The following IGF2R variants were observed in gnomAD, a reference collection of about 807,000 sequenced individuals.
IGF2R encodes insulin like growth factor 2 receptor.
IGF2R carries 91 observed loss-of-function variants against 270.6 expected under a neutral mutation model. The ratio of observed to expected loss-of-function variants is 0.34; its 90% confidence interval spans 0.28 to 0.40. The LOEUF (loss-of-function observed/expected upper bound fraction) is 0.40, where lower values mean the gene tolerates loss of function less well. Among genes scored for constraint, IGF2R ranks in the 10% least tolerant of loss-of-function variants. The pLI is 1.00. For missense variants in IGF2R, 2,805 were observed against 3,188.3 expected, an observed-to-expected ratio of 0.88 and a Z score of 2.90; for synonymous variants, 1,316 against 1,258.9, an observed-to-expected ratio of 1.05 and a Z score of -0.96.
At position 159,969,262 on chromosome 6, in the gene IGF2R, G is replaced by A. The variant is rs1646986872; in HGVS notation, c.16G>A (p.Gly6Ser). 23 of 1,093,512 alleles carry A rather than the reference G, an allele frequency of 2.1e-5. No individual in the cohort carries two copies. In the South Asian group the frequency reaches 4.7e-4, roughly 22 times the overall value. The allele number at this position is 1,093,512 out of a possible 1,614,324, so 67.7% of individuals were successfully genotyped here. A position where few individuals can be genotyped will look rare whatever the true frequency, so the allele number is the denominator to read the frequency against. MGAAAGRSPHLGPAPA... is the reference protein window; with the variant it reads MGAAASRSPHLGPAPA... ...GCCCGGCGCGATGGGGGCCGCCGCC[G>A]GCCGGAGCCCCCACCTGGGGCCCGC... The change falls in exon 1 of 48, where the codon GGC becomes AGC. Residue 6 changes from glycine to serine, a missense_variant. Coordinates refer to ENST00000356956, the MANE Select transcript of IGF2R (RefSeq NM_000876.4).
At position 160,012,762 on chromosome 6, in the gene IGF2R, TA is replaced by T. The variant is rs1420334323; in HGVS notation, c.513+1978del. Among the ~76,000 whole-genome samples the T allele has an allele frequency of 4.9e-3, 351 of 71,654 alleles. 7 individuals are homozygous for T. The highest frequency in any genetic ancestry group is 0.016 in the African/African-American group (327 of 20,162). 47.0% of individuals were successfully genotyped at this position (71,654 alleles called of 152,430 possible). The stretch of plus-strand genomic sequence containing the variant: ...CGGCTAATTTATATATATATATATA[TA>T]TTTTTTTTTTTTTTTGTTTGTTTGT... On this transcript the variant is annotated intron_variant, in intron 4 of 47. Coordinates refer to ENST00000356956, the MANE Select transcript of IGF2R (RefSeq NM_000876.4).
At chr6:160,034,608 A>T in intron 10 of IGF2R, 86 bp downstream of exon 10, 1 of 872,194 alleles carries the variant, frequency 1.1e-6, no homozygotes, top group Non-Finnish European at 1.9e-6. Flanking sequence ...CTTGGAAGTG[A>T]ACACTGAATG....
At chr6:160,069,789 G>T in intron 30 of IGF2R, 79 bp from the exon 31 acceptor site, 2 of 1,319,738 alleles carry the variant, frequency 1.5e-6, no homozygotes, top group Non-Finnish European at 2.1e-6. Flanking sequence ...CAGCGTGTGT[G>T]ACATTTATTG....
At chr6:160,031,282 C>T (rs1000194151) in intron 7 of IGF2R, among the ~76,000 whole-genome samples, 4 of 152,128 alleles carry the variant, frequency 2.6e-5, no homozygotes, top group African/African-American at 7.2e-5. Flanking sequence ...TAAACACTCA[C>T]CTTGTCATAT....
At chr6:160,069,766 G>T (rs757592935) in intron 30 of IGF2R, 102 bp from the exon 31 acceptor site, 2 of 1,006,414 alleles carry the variant, frequency 2.0e-6, no homozygotes, top group African/African-American at 1.6e-5. Context: ...CTTAGAAAGC[G>T]TATGAAGTTC....
At chr6:160,099,366 G>GTTATGTTATA in intron 45 of IGF2R, among the ~76,000 whole-genome samples, 1 of 151,870 alleles carries the variant, frequency 6.6e-6, no homozygotes, top group African/African-American at 2.4e-5. Flanking sequence ...GTTATGTTAT[G>GTTATGTTATA]TTATGTTATG....
chr6:160,054,966 CT>C (rs1326664671), intron 19 of IGF2R, among the ~76,000 whole-genome samples: 1 of 152,072 alleles, frequency 6.6e-6, no homozygotes, highest in Non-Finnish European at 1.5e-5. Context: ...GCCTGGTCTG[CT>C]TTGTCATTGG....
intron 31 of IGF2R, among the ~76,000 whole-genome samples, chr6:160,070,708 C>T (rs1042664769): frequency 1.3e-5 from 2 of 152,144 alleles, no homozygotes. Context: ...GCGTGCATGA[C>T]AAGCTCGGTG....
intron 7 of IGF2R, 141 bp from the exon 8 acceptor site, chr6:160,032,410 G>C (rs770857988): frequency 3.5e-5 from 23 of 663,342 alleles, no homozygotes; most frequent in Admixed American, 1.2e-4. Flanking sequence ...ATGTGTTAGA[G>C]GCAATTATGA....
intron 10 of IGF2R, among the ~76,000 whole-genome samples, chr6:160,036,512 G>T (rs930080989): frequency 2.0e-5 from 3 of 152,124 alleles, no homozygotes; most frequent in African/African-American, 7.2e-5. Context: ...CTGCAACTTT[G>T]TGATGACCTC....
At chr6:160,063,354 C>T in intron 26 of IGF2R, 61 bp from the exon 27 acceptor site, 1 of 1,348,610 alleles carries the variant, frequency 7.4e-7, no homozygotes, top group Non-Finnish European at 1.1e-6. Context: ...AAGCTTTTTG[C>T]TTGAAAATGT....
chr6:160,058,175 G>A (rs775115270), intron 21 of IGF2R, 51 bp downstream of exon 21: 2 of 1,249,844 alleles, frequency 1.6e-6, no homozygotes, highest in Non-Finnish European at 2.4e-6. Flanking sequence ...GGGGGAGAGT[G>A]CATTATTGAA....
Position 160,045,737 on chromosome 6 carries a change from A to G in IGF2R, c.1766-8A>G. 2 of 1,614,118 alleles carry G rather than the reference A, an allele frequency of 1.2e-6. No homozygotes were observed. The highest frequency in any genetic ancestry group is 1.7e-6 in the Non-Finnish European group (2 of 1,179,992). On this transcript the variant is annotated splice_polypyrimidine_tract_variant and splice_region_variant and intron_variant, in intron 13 of 47. Transcript: ENST00000356956. ...TTAGTGATCCCCATCTCTTTTCCCC[A>G]TTGACAGGTGATCTGGAAAGTGCAC...
chr6:160,059,893 G>A (rs1448711167), intron 22 of IGF2R, among the ~76,000 whole-genome samples: 1 of 152,236 alleles, frequency 6.6e-6, no homozygotes, highest in African/African-American at 2.4e-5. Context: ...TACATGGTAG[G>A]AACTTAGTAT....
chr6:160,082,450 C>T (rs1779004069), intron 39 of IGF2R, among the ~76,000 whole-genome samples: 1 of 152,028 alleles, frequency 6.6e-6, no homozygotes, highest in South Asian at 2.1e-4. Flanking sequence ...GCTGGGATTA[C>T]AGGGGCCCGC....
At chr6:160,079,051 C>T (rs1778917275) in intron 37 of IGF2R, among the ~76,000 whole-genome samples, 1 of 152,162 alleles carries the variant, frequency 6.6e-6, no homozygotes, top group Non-Finnish European at 1.5e-5. Flanking sequence ...GAGTGATGAG[C>T]CTGGAGTTTT....
At position 160,022,349 on chromosome 6, in the gene IGF2R, G is replaced by C. The variant is rs369441386; in HGVS notation, c.514-2223G>C. On this transcript the variant is annotated intron_variant, in intron 4 of 47. Transcript: ENST00000356956. ...CTAAAAGCACAGACCTCACCACTGT[G>C]CAATATCCATGTAATACAACTGCAC... 3.9e-4 allele frequency among the ~76,000 whole-genome samples: 59 copies of C among 152,284 alleles called. 1 individual carries two copies. The highest frequency in any genetic ancestry group is 1.5e-3 in the Admixed American group (23 of 15,284).
intron 2 of IGF2R, among the ~76,000 whole-genome samples, chr6:159,995,963 A>G (rs375407722): frequency 2.3e-5 from 3 of 128,342 alleles, no homozygotes; most frequent in African/African-American, 5.9e-5. Flanking sequence ...TGGATAAACT[A>G]TCTCTTCTTT....
chr6:160,026,085 C>A (rs888490826), intron 5 of IGF2R, among the ~76,000 whole-genome samples: 1 of 152,180 alleles, frequency 6.6e-6, no homozygotes, highest in Admixed American at 6.5e-5. Context: ...TGGATAGTTT[C>A]GGACTTGCCA....
Sources: allele counts gnomAD v4.1 joint callset (sites outside exome capture counted in the v4.1 genomes callset), GRCh38; gene constraint gnomAD v4.1.1; transcripts MANE v1.5; gene names NCBI Gene and HGNC (gene_info 2026-07-23, HGNC 2026-07-21).